The following PIK3CA variants were observed in gnomAD, a reference collection of about 807,000 sequenced individuals.
PIK3CA encodes the protein phosphatidylinositol 4,5-bisphosphate 3-kinase catalytic subunit alpha isoform.
PIK3CA carries 27 observed loss-of-function variants against 138.2 expected under a neutral mutation model. The ratio of observed to expected loss-of-function variants is 0.20; its 90% CI spans 0.14 to 0.27. The LOEUF (loss-of-function observed/expected upper bound fraction) is 0.27, where lower values mean the gene tolerates loss of function less well. Among genes scored for constraint, PIK3CA ranks in the 10% least tolerant of loss-of-function variants. The probability of loss-of-function intolerance (pLI) is 1.00; values close to 1 mark genes in which losing one functional copy is unlikely to be tolerated. For synonymous variants in PIK3CA, 358 were observed against 413.2 expected (o/e 0.87, Z 1.62); for missense variants, 544 against 1,277.4 (o/e 0.43, Z 8.75).
chr3:179,168,190 T>G (rs1723465665), intron 1 of PIK3CA, among the ~76,000 whole-genome samples: 1 of 152,216 alleles, frequency 6.6e-6, no homozygotes. Context: ...AATTAATCAA[T>G]TAAGTGCCTT....
Position 179,218,439 on chromosome 3 carries a change from T to G in PIK3CA, c.1664+105T>G, listed in dbSNP as rs17849071. The G allele has an allele frequency of 0.073, 58,754 of 808,138 alleles. 2,253 individuals carry two copies. Among genetic ancestry groups the G allele is most frequent in the African/African-American group, 0.11 (6,052 of 57,314 alleles). 50.1% of individuals were successfully genotyped at this position (808,138 alleles called of 1,614,324 possible). A position where few individuals can be genotyped will look rare whatever the true frequency, so the allele number is the denominator to read the frequency against. On this transcript the variant is annotated intron_variant, in intron 10 of 20. Transcript: ENST00000263967. The stretch of plus-strand genomic sequence containing the variant: ...TTTTTACCATACCTATTGGAATAAA[T>G]AAAGCAGAATTTACATGATTTTTAA...
intron 1 of PIK3CA, among the ~76,000 whole-genome samples, chr3:179,155,231 T>C (rs1006056900): frequency 6.6e-6 from 1 of 152,334 alleles, no homozygotes; most frequent in African/African-American, 2.4e-5. Flanking sequence ...GAGACAATGT[T>C]GTGTTTATTG....
chr3:179,237,220 G>C lies in PIK3CA; in HGVS notation c.*2856G>C, dbSNP rs1050659075. The C allele has an allele frequency of 5.2e-6, 1 of 193,684 alleles. No homozygotes were observed. Among genetic ancestry groups the C allele is most frequent in the African/African-American group, 2.3e-5 (1 of 43,110 alleles). 12.0% of individuals were successfully genotyped at this position (193,684 alleles called of 1,614,324 possible). A position where few individuals can be genotyped will look rare whatever the true frequency, so the allele number is the denominator to read the frequency against. On this transcript the variant is annotated 3_prime_UTR_variant, in exon 21 of 21. Coordinates refer to ENST00000263967, the MANE Select transcript of PIK3CA (RefSeq NM_006218.4). Reference sequence around the variant, plus strand: ...TTGTGGAATTTGTTTTTTTAAAAAAGATGTTTCTAATTGGATTTTTAAAAG... The same window carrying C: ...TTGTGGAATTTGTTTTTTTAAAAAACATGTTTCTAATTGGATTTTTAAAAG...
At chr3:179,175,862 A>G (rs758682183) in intron 1 of PIK3CA, among the ~76,000 whole-genome samples, 6 of 152,072 alleles carry the variant, frequency 3.9e-5, no homozygotes, top group Non-Finnish European at 8.8e-5. Context: ...CTCAATCTTT[A>G]ATATTGGAGA....
chr3:179,193,180 T>C (rs1724180544), intron 1 of PIK3CA, among the ~76,000 whole-genome samples: 1 of 152,196 alleles, frequency 6.6e-6, no homozygotes, highest in Non-Finnish European at 1.5e-5. Flanking sequence ...TTTAAGTACT[T>C]CCTTCCTAAA....
At chr3:179,194,047 T>G (rs1168773724) in intron 1 of PIK3CA, among the ~76,000 whole-genome samples, 2 of 152,144 alleles carry the variant, frequency 1.3e-5, no homozygotes, top group Non-Finnish European at 2.9e-5. Flanking sequence ...ATATTCTGAT[T>G]TCTTAATTTT....
intron 1 of PIK3CA, among the ~76,000 whole-genome samples, chr3:179,177,200 A>G (rs1390311564): frequency 6.6e-6 from 1 of 151,288 alleles, no homozygotes; most frequent in African/African-American, 2.4e-5. Flanking sequence ...GTGGTCATTC[A>G]TTTTGGTTTA....
rs146898628 is a variant in PIK3CA at position 179,234,571 on chromosome 3, A to G, written c.*207A>G. On this transcript the variant is annotated 3_prime_UTR_variant, in exon 21 of 21. Coordinates refer to ENST00000263967, the MANE Select transcript of PIK3CA (RefSeq NM_006218.4). The surrounding 1 kb of genome is among the most constrained non-coding windows in gnomAD (Gnocchi z 5.1). ...AGCACTTAAACTAGTTCATTTCAAAATTAAGCTTTAGAATAATGCGCAATT... is the reference window on the plus strand; with the variant it reads ...AGCACTTAAACTAGTTCATTTCAAAGTTAAGCTTTAGAATAATGCGCAATT... 52 of 386,678 alleles carry G rather than the reference A, an allele frequency of 1.3e-4. No homozygotes were observed. Among genetic ancestry groups the G allele is most frequent in the Non-Finnish European group, 2.2e-4 (49 of 219,506 alleles). 24.0% of individuals were successfully genotyped at this position (386,678 alleles called of 1,614,324 possible). A position where few individuals can be genotyped will look rare whatever the true frequency, so the allele number is the denominator to read the frequency against.
chr3:179,218,961 TATA>T (rs1465749943), intron 10 of PIK3CA, among the ~76,000 whole-genome samples: 1 of 152,050 alleles, frequency 6.6e-6, no homozygotes, highest in African/African-American at 2.4e-5. Context: ...TGTAAGTACT[TATA>T]ATCCATTTGC....
chr3:179,156,012 C>G (rs1723130968), intron 1 of PIK3CA, among the ~76,000 whole-genome samples: 1 of 152,100 alleles, frequency 6.6e-6, no homozygotes, highest in Non-Finnish European at 1.5e-5. Flanking sequence ...TGCTGAGATT[C>G]CTAGTATGTT....
Position 179,201,500 on chromosome 3 carries a change from A to G in PIK3CA, c.773A>G (p.Asp258Gly), listed in dbSNP as rs1407807826. The change falls in exon 4 of 21, where the codon GAT becomes GGT. Residue 258 changes from aspartate to glycine, a missense_variant. By Grantham distance (94) the Asp-to-Gly change is moderately conservative. Coordinates refer to ENST00000263967, the MANE Select transcript of PIK3CA (RefSeq NM_006218.4). Reference protein sequence around the residue: ...GKYILKVCGCDEYFLEKYPLS... With the variant: ...GKYILKVCGCGEYFLEKYPLS... ...TATATTTTAAAAGTGTGTGGATGTG[A>G]TGAATACTTCCTAGAAAAATATCCT... The G allele has an allele frequency of 6.2e-7, 1 of 1,608,694 alleles. No individual in the cohort carries two copies. The highest frequency in any genetic ancestry group is 1.1e-5 in the South Asian group (1 of 90,912).
intron 17 of PIK3CA, 34 bp from the exon 18 acceptor site, chr3:179,229,238 T>C (rs1253004098): frequency 6.5e-7 from 1 of 1,544,018 alleles, no homozygotes; most frequent in African/African-American, 1.4e-5. Flanking sequence ...TAAAATTCCA[T>C]CATTTAATTG....
intron 1 of PIK3CA, among the ~76,000 whole-genome samples, chr3:179,165,178 G>T (rs1723386604): frequency 6.6e-6 from 1 of 152,084 alleles, no homozygotes; most frequent in Admixed American, 6.6e-5. Context: ...AGAGACTGGG[G>T]GGAGATTAAC....
intron 1 of PIK3CA, among the ~76,000 whole-genome samples, chr3:179,155,217 G>A (rs958981109): frequency 6.6e-6 from 1 of 152,182 alleles, no homozygotes; most frequent in African/African-American, 2.4e-5. Flanking sequence ...TTTTTGAACA[G>A]GAGGAGACAA....
chr3:179,231,630 CTTTT>C (rs144349648), intron 20 of PIK3CA, among the ~76,000 whole-genome samples: 1 of 50,384 alleles, frequency 2.0e-5, no homozygotes, highest in Non-Finnish European at 3.5e-5. Flanking sequence ...CCTTAGCCCA[CTTTT>C]TTTTTTTTTT....
At chr3:179,153,371 T>C (rs930414187) in intron 1 of PIK3CA, among the ~76,000 whole-genome samples, 2 of 152,152 alleles carry the variant, frequency 1.3e-5, no homozygotes, top group Non-Finnish European at 2.9e-5. Context: ...ATCTGAAAAT[T>C]TGAAATTTTA....
chr3:179,185,982 C>T (rs1165075925), intron 1 of PIK3CA, among the ~76,000 whole-genome samples: 1 of 152,218 alleles, frequency 6.6e-6, no homozygotes, highest in Non-Finnish European at 1.5e-5. Flanking sequence ...TTCAGCCCCT[C>T]TCTCCTCTGA....
At chr3:179,189,235 A>T (rs73187264) in intron 1 of PIK3CA, among the ~76,000 whole-genome samples, 13,009 of 152,152 alleles carry the variant, frequency 0.086, 602 homozygotes, top group African/African-American at 0.11. Context: ...AAAAATAAAA[A>T]AATAAAATTC....
chr3:179,213,688 G>A (rs145963578), intron 9 of PIK3CA, among the ~76,000 whole-genome samples: 43 of 152,312 alleles, frequency 2.8e-4, no homozygotes, highest in Admixed American at 1.2e-3. Context: ...AAAACCTGAC[G>A]TTACAGTTAA....
Sources: gnomAD v4.1 joint callset for allele counts (sites outside exome capture counted in the v4.1 genomes callset) on GRCh38, gnomAD v4.1.1 for gene constraint, Gnocchi (gnomAD v3.1) non-coding constraint, MANE v1.5 for transcripts, NCBI Gene and HGNC (gene_info 2026-07-23, HGNC 2026-07-21) for gene names.